Variants in GMDS observed in about 807,000 individuals in gnomAD.
The protein encoded by GMDS is GDP-mannose 4,6 dehydratase.
In GMDS, 20 loss-of-function variants were observed where a neutral mutation model predicts 49.9. That is an observed-to-expected ratio of 0.40 (90% CI 0.28 to 0.58). The LOEUF (loss-of-function observed/expected upper bound fraction) is 0.58. Among genes scored for constraint, GMDS ranks in the 20% least tolerant of loss-of-function variants. GMDS has a pLI of 0.42. For synonymous variants in GMDS, 177 were observed against 178.6 expected (o/e 0.99, Z 0.07); for missense variants, 362 against 481.4 (o/e 0.75, Z 2.32).
chr6:1,903,842 G>A (rs1217144538), intron 7 of GMDS, among the ~76,000 whole-genome samples: 1 of 152,102 alleles, frequency 6.6e-6, no homozygotes, highest in African/African-American at 2.4e-5. Flanking sequence ...ATATTCTTGG[G>A]TGGGCAGGAA....
chr6:1,703,797 G>A (rs1765625742), intron 9 of GMDS, among the ~76,000 whole-genome samples: 1 of 152,226 alleles, frequency 6.6e-6, no homozygotes. Flanking sequence ...GTGGCCGCAG[G>A]GCCAAGGCTG....
intron 1 of GMDS, among the ~76,000 whole-genome samples, chr6:2,242,114 T>C (rs1781642222): frequency 6.6e-6 from 1 of 152,228 alleles, no homozygotes; most frequent in South Asian, 2.1e-4. Flanking sequence ...ACAGAGGAAG[T>C]TCCTGGAATG....
intron 8 of GMDS, among the ~76,000 whole-genome samples, chr6:1,737,776 TACAC>T (rs1434292604): frequency 1.2e-5 from 1 of 85,782 alleles, no homozygotes; most frequent in Non-Finnish European, 2.3e-5. Context: ...CACACACAGA[TACAC>T]ATACATACAC....
intron 4 of GMDS, among the ~76,000 whole-genome samples, chr6:2,011,613 T>TA (rs140937966): frequency 0.21 from 31,424 of 151,984 alleles, 3,599 homozygotes; most frequent in Non-Finnish European, 0.24. Flanking sequence ...TACTCAGTCA[T>TA]AAAAAAGAAC....
intron 1 of GMDS, among the ~76,000 whole-genome samples, chr6:2,149,017 C>T (rs1399776919): frequency 1.3e-5 from 2 of 152,138 alleles, no homozygotes; most frequent in Non-Finnish European, 2.9e-5. Context: ...ACATGGAGAG[C>T]ACCTGAGGGA....
chr6:1,866,316 T>C (rs1758439048), intron 7 of GMDS, among the ~76,000 whole-genome samples: 1 of 152,250 alleles, frequency 6.6e-6, no homozygotes, highest in Non-Finnish European at 1.5e-5. Context: ...AAAGATTTTA[T>C]TGTATCAAGC....
intron 4 of GMDS, among the ~76,000 whole-genome samples, chr6:1,969,754 T>C (rs529616891): frequency 6.6e-6 from 1 of 152,254 alleles, no homozygotes; most frequent in Admixed American, 6.5e-5. Context: ...GACCTGGCCA[T>C]CTCTACCTTC....
At chr6:1,630,204 T>G (rs1451195971) in intron 9 of GMDS, among the ~76,000 whole-genome samples, 1 of 152,272 alleles carries the variant, frequency 6.6e-6, no homozygotes, top group Non-Finnish European at 1.5e-5. Flanking sequence ...GTTAACTTCC[T>G]TTTAAACAAA....
chr6:2,089,175 T>C (rs889095810), intron 4 of GMDS, among the ~76,000 whole-genome samples: 1 of 152,220 alleles, frequency 6.6e-6, no homozygotes, highest in African/African-American at 2.4e-5. Flanking sequence ...TTCCAATACT[T>C]TTTAGTTCTT....
intron 7 of GMDS, among the ~76,000 whole-genome samples, chr6:1,784,569 A>C (rs935998497): frequency 2.6e-5 from 4 of 152,088 alleles, no homozygotes; most frequent in Admixed American, 6.6e-5. Flanking sequence ...CAAAGTCTGG[A>C]GCTGAGAGGG....
At chr6:1,714,048 C>A (rs767778110) in intron 9 of GMDS, among the ~76,000 whole-genome samples, 25 of 152,306 alleles carry the variant, frequency 1.6e-4, no homozygotes, top group Middle Eastern at 3.4e-3. Context: ...GAGGGAGTCT[C>A]ACTCTGTCGC....
intron 7 of GMDS, among the ~76,000 whole-genome samples, chr6:1,862,065 T>C (rs1277454959): frequency 6.6e-6 from 1 of 152,194 alleles, no homozygotes; most frequent in Non-Finnish European, 1.5e-5. Context: ...CTAAGTTTCA[T>C]TACACTTTAA....
At chr6:1,848,668 T>C (rs539259546) in intron 7 of GMDS, among the ~76,000 whole-genome samples, 2 of 152,246 alleles carry the variant, frequency 1.3e-5, no homozygotes, top group East Asian at 1.9e-4. Flanking sequence ...CTTTTGAAGA[T>C]AGTGGGGTGG....
intron 7 of GMDS, among the ~76,000 whole-genome samples, chr6:1,853,916 T>G (rs997409920): frequency 6.6e-6 from 1 of 152,244 alleles, no homozygotes; most frequent in Non-Finnish European, 1.5e-5. Flanking sequence ...CAGTGCCAAA[T>G]CCTTCCCCTC....
At chr6:2,001,450 C>A (rs1008732636) in intron 4 of GMDS, among the ~76,000 whole-genome samples, 1 of 152,094 alleles carries the variant, frequency 6.6e-6, no homozygotes, top group African/African-American at 2.4e-5. Context: ...CATTCTCTTT[C>A]TTCATGGTAT....
At chr6:1,822,986 T>C (rs1202166485) in intron 7 of GMDS, among the ~76,000 whole-genome samples, 1 of 152,146 alleles carries the variant, frequency 6.6e-6, no homozygotes, top group Non-Finnish European at 1.5e-5. Flanking sequence ...ATGGTGAAAA[T>C]ACTATAAATT....
intron 7 of GMDS, among the ~76,000 whole-genome samples, chr6:1,788,573 A>G (rs1769409508): frequency 6.6e-6 from 1 of 152,174 alleles, no homozygotes. Flanking sequence ...GCAGGTGATG[A>G]CTTCATTACT....
Position 1,738,164 on chromosome 6 carries a change from CAGACACAT to C in GMDS, c.890+4296_890+4303del, listed in dbSNP as rs1362248979. ...ACACACAGATACACATACACACACA[CAGACACAT>C]ACACACACACATATACACACATACA... On this transcript the variant is annotated intron_variant, in intron 8 of 10. Transcript: ENST00000380815. Among the ~76,000 whole-genome samples, 87 of 150,010 alleles carry C rather than the reference CAGACACAT, an allele frequency of 5.8e-4. 1 individual carries two copies. The highest frequency in any genetic ancestry group is 3.6e-3 in the Middle Eastern group (1 of 280).
At chr6:1,706,227 A>G (rs1185784084) in intron 9 of GMDS, among the ~76,000 whole-genome samples, 1 of 152,184 alleles carries the variant, frequency 6.6e-6, no homozygotes, top group Non-Finnish European at 1.5e-5. Context: ...GTGTGCTGGC[A>G]CCATCGCGGC....
Sources: gnomAD v4.1 joint callset for allele counts (sites outside exome capture counted in the v4.1 genomes callset) on GRCh38, gnomAD v4.1.1 for gene constraint, MANE v1.5 for transcripts, NCBI Gene and HGNC (gene_info 2026-07-23, HGNC 2026-07-21) for gene names.